Variants in NHERF1 observed in about 807,000 individuals in gnomAD.
NHERF1 encodes the protein Na(+)/H(+) exchange regulatory cofactor NHE-RF1.
At chr17:74,752,090 C>T in the NHERF1 span, among the ~76,000 whole-genome samples, 1 of 152,166 alleles carries the variant, frequency 6.6e-6, no homozygotes, top group African/African-American at 2.4e-5. Context: ...GCCACTGTGG[C>T]CAAGCCTGGC....
At chr17:74,752,536 C>T in the NHERF1 span, among the ~76,000 whole-genome samples, 1 of 152,060 alleles carries the variant, frequency 6.6e-6, no homozygotes, top group African/African-American at 2.4e-5. Flanking sequence ...ACAGATTCCA[C>T]CCAGGCTGGA....
At chr17:74,768,776 G>C in the NHERF1 span, 1 of 822,834 alleles carries the variant, frequency 1.2e-6, no homozygotes, top group Non-Finnish European at 1.9e-6. Context: ...CCCCTTTCTT[G>C]ACAAATGATT....
chr17:74,767,919 A>G, the NHERF1 span: 18 of 656,910 alleles, frequency 2.7e-5, no homozygotes, highest in South Asian at 2.7e-4. Flanking sequence ...GTCTGTTCCC[A>G]TCCCATCCCT....
the NHERF1 span, chr17:74,767,044 T>C: frequency 4.7e-6 from 7 of 1,486,436 alleles, no homozygotes; most frequent in Non-Finnish European, 5.6e-6. Flanking sequence ...CAGAAGGTGC[T>C]GTGGTTGGTA....
At chr17:74,762,109 G>C in the NHERF1 span, 3 of 1,614,180 alleles carry the variant, frequency 1.9e-6, no homozygotes, top group African/African-American at 1.3e-5. The surrounding 1 kb of genome is among the most constrained non-coding windows in gnomAD (Gnocchi z 4.2). Context: ...CAGTTCATCC[G>C]GTCAGTGGAC....
chr17:74,762,659 G>A, the NHERF1 span, among the ~76,000 whole-genome samples: 1 of 152,042 alleles, frequency 6.6e-6, no homozygotes, highest in Non-Finnish European at 1.5e-5. This position sits in a 1 kb window ranked among gnomAD's most constrained non-coding sequence, Gnocchi z 4.2. Context: ...CTGGGTTCAA[G>A]CGATTCTCCT....
At chr17:74,766,900 C>T in the NHERF1 span, 11 of 1,610,550 alleles carry the variant, frequency 6.8e-6, no homozygotes, top group Admixed American at 1.0e-4. Flanking sequence ...ATTCCATCCC[C>T]GTTCTGGACT....
the NHERF1 span, among the ~76,000 whole-genome samples, chr17:74,764,282 T>C: frequency 6.6e-6 from 1 of 152,166 alleles, no homozygotes; most frequent in Non-Finnish European, 1.5e-5. This position sits in a 1 kb window ranked among gnomAD's most constrained non-coding sequence, Gnocchi z 4.9. Context: ...AGGTTGTATG[T>C]GTAAAAGGAG....
At chr17:74,757,108 A>G in the NHERF1 span, among the ~76,000 whole-genome samples, 4 of 152,130 alleles carry the variant, frequency 2.6e-5, no homozygotes, top group Admixed American at 6.5e-5. Context: ...GACCTGAGCC[A>G]GACTCTGCCC....
At chr17:74,753,744 G>C in the NHERF1 span, among the ~76,000 whole-genome samples, 1 of 151,224 alleles carries the variant, frequency 6.6e-6, no homozygotes, top group Non-Finnish European at 1.5e-5. Context: ...CAGGGGGAGG[G>C]GGGTGAATGG....
the NHERF1 span, among the ~76,000 whole-genome samples, chr17:74,749,771 G>C: frequency 6.6e-6 from 1 of 152,180 alleles, no homozygotes; most frequent in African/African-American, 2.4e-5. This position sits in a 1 kb window ranked among gnomAD's most constrained non-coding sequence, Gnocchi z 5.6. Context: ...TACTCCTCCT[G>C]TGTGGAGCCC....
the NHERF1 span, chr17:74,769,207 A>G: frequency 6.5e-6 from 1 of 154,292 alleles, no homozygotes; most frequent in South Asian, 2.0e-4. Context: ...AGGGCATGGC[A>G]GTGGCCTCAG....
chr17:74,768,292 CCCA>C, the NHERF1 span: 1 of 1,420,888 alleles, frequency 7.0e-7, no homozygotes, highest in Non-Finnish European at 1.0e-6. Flanking sequence ...ATTCCCAGGC[CCCA>C]CTTGTTCCTG....
chr17:74,760,896 A>T, the NHERF1 span, among the ~76,000 whole-genome samples: 1 of 152,176 alleles, frequency 6.6e-6, no homozygotes. The surrounding 1 kb of genome is among the most constrained non-coding windows in gnomAD (Gnocchi z 4.5). Flanking sequence ...GGGAGCCTTG[A>T]CTATCCACTG....
the NHERF1 span, among the ~76,000 whole-genome samples, chr17:74,759,941 G>C: frequency 6.6e-6 from 1 of 152,224 alleles, no homozygotes. Context: ...GTTGTTATGG[G>C]AAGGTTTTTG....
At chr17:74,749,094 T>G in the NHERF1 span, 350 of 1,585,872 alleles carry the variant, frequency 2.2e-4, no homozygotes, top group Non-Finnish European at 2.7e-4. The surrounding 1 kb of genome is among the most constrained non-coding windows in gnomAD (Gnocchi z 5.6). Flanking sequence ...CGCGCCGCAC[T>G]CAACGCCGTG....
the NHERF1 span, among the ~76,000 whole-genome samples, chr17:74,757,119 C>T: frequency 6.6e-6 from 1 of 152,038 alleles, no homozygotes; most frequent in African/African-American, 2.4e-5. Context: ...GACTCTGCCC[C>T]CTCTTGCCCC....
chr17:74,767,893 A>C, the NHERF1 span: 1 of 604,808 alleles, frequency 1.7e-6, no homozygotes, highest in African/African-American at 1.8e-5. Flanking sequence ...GGAGCGGTTC[A>C]GCTAATCCCA....
chr17:74,767,973 G>C, the NHERF1 span: 5 of 717,684 alleles, frequency 7.0e-6, no homozygotes, highest in Non-Finnish European at 1.3e-5. Flanking sequence ...ATCCCCAAAG[G>C]AATGTAAAAA....
Sources: allele counts gnomAD v4.1 joint callset (sites outside exome capture counted in the v4.1 genomes callset), GRCh38; gene constraint gnomAD v4.1.1; non-coding constraint Gnocchi (gnomAD v3.1); transcripts MANE v1.5; gene names NCBI Gene and HGNC (gene_info 2026-07-23, HGNC 2026-07-21).